ZNF808: variants seen among roughly 807,000 people sequenced by gnomAD.
ZNF808 encodes the protein zinc finger protein 808.
A neutral mutation model predicts 8.7 loss-of-function variants in ZNF808; 5 were observed. The ratio of observed to expected loss-of-function variants is 0.58; its 90% CI spans 0.30 to 1.21. The LOEUF (loss-of-function observed/expected upper bound fraction) is 1.21, where lower values mean the gene tolerates loss of function less well. ZNF808 is among the 50% of genes most tolerant of loss of function. The pLI is 0.07. For synonymous variants in ZNF808, 380 were observed against 366.0 expected (o/e 1.04, Z -0.44); for missense variants, 1,103 against 1,098.4 (o/e 1.00, Z -0.06).
At chr19:52,529,345 A>G (rs1301628473) in intron 1 of ZNF808, among the ~76,000 whole-genome samples, 1 of 152,100 alleles carries the variant, frequency 6.6e-6, no homozygotes, top group Non-Finnish European at 1.5e-5. Context: ...TCATGCCACT[A>G]CACTGCAGCC....
At chr19:52,551,574 C>T (rs923195705) in intron 4 of ZNF808, among the ~76,000 whole-genome samples, 6 of 151,998 alleles carry the variant, frequency 3.9e-5, no homozygotes, top group Admixed American at 2.0e-4. Context: ...TAGAATTCTG[C>T]GGGCTGTATA....
intron 2 of ZNF808, among the ~76,000 whole-genome samples, chr19:52,541,784 A>G (rs2123122570): frequency 6.6e-6 from 1 of 151,784 alleles, no homozygotes; most frequent in Middle Eastern, 3.5e-3. Context: ...ACACGACTCC[A>G]TGTCCCCTGC....
intron 4 of ZNF808, among the ~76,000 whole-genome samples, chr19:52,551,131 C>T (rs1238190835): frequency 2.6e-5 from 4 of 152,214 alleles, no homozygotes; most frequent in East Asian, 3.9e-4. Flanking sequence ...ACGGGTGGAT[C>T]ACCTGAGGTC....
chr19:52,540,805 A>G (rs765385236), intron 2 of ZNF808, among the ~76,000 whole-genome samples: 8 of 152,118 alleles, frequency 5.3e-5, no homozygotes, highest in East Asian at 1.9e-4. Flanking sequence ...TTAAACATCT[A>G]TTGCTATGTG....
chr19:52,550,500 G>T (rs1228481264), intron 4 of ZNF808, among the ~76,000 whole-genome samples: 1 of 151,524 alleles, frequency 6.6e-6, no homozygotes, highest in African/African-American at 2.4e-5. Flanking sequence ...AAAGTGCTGG[G>T]ATTACAGGCA....
rs562271394 is a variant in ZNF808, at chr19:52,528,684, C to T, written c.-122+973C>T. Among the ~76,000 whole-genome samples, 8 of 152,054 alleles carry T rather than the reference C, an allele frequency of 5.3e-5. No individual in the cohort carries two copies. The South Asian group carries it at 1.0e-3, about 20-fold the overall frequency. Reference sequence around the variant, plus strand: ...CCAGGGCAGACAGAGCAGAGTGGTGCTGGTGTCAAGGAGAACCGAGGGAGA... The same window carrying T: ...CCAGGGCAGACAGAGCAGAGTGGTGTTGGTGTCAAGGAGAACCGAGGGAGA... On this transcript the variant is annotated intron_variant, in intron 1 of 4. Coordinates refer to ENST00000359798, the MANE Select transcript of ZNF808 (RefSeq NM_001039886.4).
chr19:52,535,827 A>C (rs917404114), intron 2 of ZNF808, among the ~76,000 whole-genome samples: 15 of 152,076 alleles, frequency 9.9e-5, no homozygotes, highest in Non-Finnish European at 2.1e-4. Context: ...CCAAACACCG[A>C]AAAAAACAGG....
downstream of ZNF808, among the ~76,000 whole-genome samples, chr19:52,559,077 A>G (rs1000813049): frequency 1.3e-5 from 2 of 152,206 alleles, no homozygotes; most frequent in African/African-American, 4.8e-5. Context: ...CCTCATGGGA[A>G]GGGAAAGACC....
chr19:52,567,486 T>TTTTTA (rs772687481), downstream of ZNF808, among the ~76,000 whole-genome samples: 6 of 37,200 alleles, frequency 1.6e-4, no homozygotes, highest in African/African-American at 7.7e-4. Flanking sequence ...AGCTGTATTT[T>TTTTTA]TTATTATTAT....
chr19:52,530,404 C>T (rs563005838), intron 1 of ZNF808, among the ~76,000 whole-genome samples: 80 of 152,204 alleles, frequency 5.3e-4, no homozygotes, highest in Non-Finnish European at 9.9e-4. Context: ...TGGCTCACGC[C>T]TGTAATCCCA....
intron 3 of ZNF808, among the ~76,000 whole-genome samples, chr19:52,545,717 G>A (rs1218763097): frequency 6.6e-6 from 1 of 152,042 alleles, no homozygotes; most frequent in Non-Finnish European, 1.5e-5. Flanking sequence ...GGCACAGGTT[G>A]CAGTGAGCTG....
In ZNF808 at chr19:52,555,176, C is replaced by T. The variant is rs117861190; in HGVS notation, c.2260C>T (p.Arg754Cys). The T allele has an allele frequency of 0.018, 29,005 of 1,613,918 alleles. 332 individuals carry two copies. The highest frequency in any genetic ancestry group is 0.022 in the Non-Finnish European group (25,863 of 1,179,980). Residue 754 changes from arginine (R) to cysteine (C), a missense_variant, in exon 5 of 5, where the codon CGT becomes TGT. Coordinates refer to ENST00000359798, the MANE Select transcript of ZNF808 (RefSeq NM_001039886.4). Reference protein sequence around the residue: ...FSQKATLLCHRRLHSGEKPYK... With the variant: ...FSQKATLLCHCRLHSGEKPYK... Reference sequence around the variant, plus strand: ...TCAGAAGGCAACCCTTCTATGCCATCGTAGACTTCATAGTGGTGAGAAACC... The same window carrying T: ...TCAGAAGGCAACCCTTCTATGCCATTGTAGACTTCATAGTGGTGAGAAACC...
intron 4 of ZNF808, among the ~76,000 whole-genome samples, chr19:52,551,331 G>A (rs1415873077): frequency 6.7e-6 from 1 of 150,362 alleles, no homozygotes; most frequent in Non-Finnish European, 1.5e-5. Context: ...CAGCCAAGGT[G>A]ACAGAGTTAG....
downstream of ZNF808, among the ~76,000 whole-genome samples, chr19:52,567,414 TTC>T (rs1273829679): frequency 6.8e-6 from 1 of 147,730 alleles, no homozygotes; most frequent in East Asian, 1.9e-4. Context: ...ACTGGTAGTT[TTC>T]TTTTTTTTTT....
rs1188059812 is a variant in ZNF808, at chr19:52,554,559, T to G, written c.1643T>G (p.Phe548Cys). The G allele has an allele frequency of 1.9e-6, 3 of 1,613,926 alleles. No individual in the cohort carries two copies. The African/African-American group carries it at 4.0e-5, about 22-fold the overall frequency. ...AAATGTACGGTTTGTAACAAGGTTT[T>G]CATGCGTAATTCAGTCCTGGCTGTA... ...SYKCTVCNKV[F>C]MRNSVLAVHT... Residue 548 changes from phenylalanine (F) to cysteine (C), a missense_variant, in exon 5 of 5, where the codon TTC (phenylalanine) becomes TGC (cysteine). By Grantham distance (205) the Phe-to-Cys change is radical (BLOSUM62 -2). Coordinates refer to ENST00000359798, the MANE Select transcript of ZNF808 (RefSeq NM_001039886.4).
At chr19:52,541,846 C>A (rs2059673737) in intron 2 of ZNF808, among the ~76,000 whole-genome samples, 1 of 152,140 alleles carries the variant, frequency 6.6e-6, no homozygotes, top group Non-Finnish European at 1.5e-5. Context: ...TCAGCTGTCT[C>A]CTGGGTCATC....
chr19:52,528,181 T>C (rs1477156311), intron 1 of ZNF808, among the ~76,000 whole-genome samples: 4 of 151,884 alleles, frequency 2.6e-5, no homozygotes, highest in African/African-American at 9.7e-5. Context: ...CCCACCTCCC[T>C]ACTCGTGCCA....
At chr19:52,553,036 A>G (rs2059792963) in intron 4 of ZNF808, 71 bp from the exon 5 acceptor site, 7 of 1,431,068 alleles carry the variant, frequency 4.9e-6, no homozygotes, top group Admixed American at 2.7e-5. Context: ...TTTTTGTGTC[A>G]TATTTACACA....
intron 2 of ZNF808, among the ~76,000 whole-genome samples, chr19:52,535,687 G>C (rs1318009651): frequency 6.6e-6 from 1 of 152,220 alleles, no homozygotes; most frequent in African/African-American, 2.4e-5. Flanking sequence ...TATGTTCTGT[G>C]GGCCATCAGC....
Sources: gnomAD v4.1 joint callset for allele counts (sites outside exome capture counted in the v4.1 genomes callset) on GRCh38, gnomAD v4.1.1 for gene constraint, MANE v1.5 for transcripts, NCBI Gene and HGNC (gene_info 2026-07-23, HGNC 2026-07-21) for gene names.